The following SBF2 variants were observed in gnomAD, a reference collection of about 807,000 sequenced individuals.
SBF2 encodes myotubularin-related protein 13.
Under a neutral mutation model 225.2 loss-of-function variants are expected in SBF2, and 112 were observed. The observed-to-expected ratio is 0.50, with a 90% CI of 0.43 to 0.58. The LOEUF (loss-of-function observed/expected upper bound fraction) is 0.58, where lower values mean the gene tolerates loss of function less well. Among genes scored for constraint, SBF2 ranks in the 20% least tolerant of loss-of-function variants. The probability of loss-of-function intolerance (pLI) is 0.00; values close to 1 mark genes in which losing one functional copy is unlikely to be tolerated. For missense variants in SBF2, 1,996 were observed against 2,206.2 expected (o/e 0.90, Z 1.91); for synonymous variants, 763 against 773.3 (o/e 0.99, Z 0.22).
intron 1 of SBF2, among the ~76,000 whole-genome samples, chr11:10,219,213 C>T (rs1296974261): frequency 6.6e-6 from 1 of 152,206 alleles, no homozygotes; most frequent in Non-Finnish European, 1.5e-5. Context: ...GGTAGAGGTT[C>T]AACAAACCTC....
chr11:10,137,895 G>A (rs1174271358), intron 2 of SBF2, among the ~76,000 whole-genome samples: 1 of 152,028 alleles, frequency 6.6e-6, no homozygotes, highest in East Asian at 1.9e-4. Flanking sequence ...GTAATCTCGG[G>A]AGGCTGAGGC....
At chr11:10,082,619 A>T (rs1392585047) in intron 2 of SBF2, among the ~76,000 whole-genome samples, 1 of 152,218 alleles carries the variant, frequency 6.6e-6, no homozygotes, top group Non-Finnish European at 1.5e-5. Flanking sequence ...AGATAAACAC[A>T]ATTAAAAACA....
chr11:10,303,727 A>G lies in SBF2; in HGVS notation n.386+765T>C, dbSNP rs1964621336. Reference sequence around the variant, plus strand: ...CCTCTCCGTCGAGTCGCTGGGCTTCAGGACATTCGATTAGAGGAGTGGTTA... The same window carrying G: ...CCTCTCCGTCGAGTCGCTGGGCTTCGGGACATTCGATTAGAGGAGTGGTTA... On this transcript the variant is annotated intron_variant and non_coding_transcript_variant, in intron 1 of 5. Coordinates refer to the SBF2 transcript ENST00000685217. The surrounding 1 kb of genome is among the most constrained non-coding windows in gnomAD (Gnocchi z 5.2). 6.6e-6 allele frequency: 1 copy of G among 152,242 alleles called. No homozygotes were observed. Among genetic ancestry groups the G allele is most frequent in the Non-Finnish European group, 1.5e-5 (1 of 68,076 alleles). The allele number at this position is 152,242 out of a possible 1,614,324, so 9.4% of individuals were successfully genotyped here.
intron 15 of SBF2, among the ~76,000 whole-genome samples, chr11:9,963,218 A>C (rs1291562268): frequency 6.6e-6 from 1 of 152,220 alleles, no homozygotes; most frequent in African/African-American, 2.4e-5. Flanking sequence ...TAATCCCAGC[A>C]CTTTGGGAGG....
At chr11:10,265,187 C>T (rs1565416145) in intron 1 of SBF2, among the ~76,000 whole-genome samples, 2 of 152,164 alleles carry the variant, frequency 1.3e-5, no homozygotes, top group Non-Finnish European at 2.9e-5. Context: ...AACTAATTCA[C>T]CCTCCCACCA....
intron 2 of SBF2, among the ~76,000 whole-genome samples, chr11:10,120,440 C>A (rs1443982595): frequency 1.3e-5 from 2 of 151,986 alleles, no homozygotes; most frequent in Non-Finnish European, 2.9e-5. Flanking sequence ...GGAAGTACAC[C>A]CAAAAGTGGA....
At chr11:10,290,944 G>C (rs1166331547) in intron 1 of SBF2, among the ~76,000 whole-genome samples, 2 of 152,088 alleles carry the variant, frequency 1.3e-5, no homozygotes, top group Admixed American at 1.3e-4. Flanking sequence ...AAAGGAACCA[G>C]GGATCCCTAA....
chr11:9,912,860 T>C (rs1371194250), intron 16 of SBF2, among the ~76,000 whole-genome samples: 1 of 152,270 alleles, frequency 6.6e-6, no homozygotes, highest in Non-Finnish European at 1.5e-5. Flanking sequence ...AGTCACTGCA[T>C]ATTGCATACA....
At position 10,001,005 on chromosome 11, in the gene SBF2, A is replaced by G; in HGVS notation, c.770T>C (p.Ile257Thr). ...PLKYSYPYIP[I>T]LPAQLLEVLS... is the part of the protein sequence containing the mutation. ...AACTTCCAGTAGCTGAGCCGGGAGA[A>G]TAGGGATATAAGGATAACTGGAAAT... Residue 257 changes from isoleucine to threonine, a missense_variant, in exon 8 of 40, where the codon ATT becomes ACT. Transcript: ENST00000256190. The G allele has an allele frequency of 6.3e-7, 1 of 1,578,524 alleles. No individual in the cohort carries two copies. Among genetic ancestry groups the G allele is most frequent in the South Asian group, 1.1e-5 (1 of 90,316 alleles).
chr11:10,154,578 T>C (rs911236911), intron 2 of SBF2, among the ~76,000 whole-genome samples: 4 of 152,200 alleles, frequency 2.6e-5, no homozygotes, highest in East Asian at 1.9e-4. Flanking sequence ...CCATGTATGA[T>C]AGTCCCATTA....
At chr11:9,992,359 T>A (rs1351530036) in intron 12 of SBF2, 56 bp downstream of exon 12, 10 of 1,444,846 alleles carry the variant, frequency 6.9e-6, no homozygotes, top group Middle Eastern at 1.8e-4. Flanking sequence ...TTTTTACTTT[T>A]AACTACTAGT....
rs116884682 is a variant in SBF2 at position 9,869,571 on chromosome 11, T to A, written c.1930-11175A>T. Among the ~76,000 whole-genome samples, 33 of 152,244 alleles carry A rather than the reference T, an allele frequency of 2.2e-4. No individual in the cohort carries two copies. The East Asian group carries it at 6.2e-3, about 28-fold the overall frequency. ...CATATGCAGATCAATAAATGTGATA[T>A]ATCTCATAAACAGAACTAAAGAAAA... On this transcript the variant is annotated intron_variant, in intron 17 of 39. Coordinates refer to ENST00000256190, the MANE Select transcript of SBF2 (RefSeq NM_030962.4).
intron 13 of SBF2, among the ~76,000 whole-genome samples, chr11:9,976,758 T>A (rs553928174): frequency 1.3e-5 from 2 of 151,932 alleles, no homozygotes; most frequent in Non-Finnish European, 2.9e-5. Context: ...TTTCTTTTTT[T>A]TTGTTGTTGT....
chr11:10,292,696 A>C (rs1964241817), intron 1 of SBF2, among the ~76,000 whole-genome samples: 1 of 151,514 alleles, frequency 6.6e-6, no homozygotes, highest in Non-Finnish European at 1.5e-5. Context: ...AAAAAAAAAA[A>C]AATTGTTTAA....
chr11:9,875,506 C>T (rs1053235551), intron 17 of SBF2, among the ~76,000 whole-genome samples: 7 of 152,176 alleles, frequency 4.6e-5, no homozygotes, highest in Admixed American at 3.9e-4. Flanking sequence ...GATACCTTTA[C>T]CTAATTGTCC....
chr11:9,925,391 C>T (rs534463384), intron 16 of SBF2, among the ~76,000 whole-genome samples: 1 of 152,216 alleles, frequency 6.6e-6, no homozygotes, highest in Non-Finnish European at 1.5e-5. Flanking sequence ...GATTTTCCTG[C>T]CTCAGCCTCC....
rs759768880 is a variant in SBF2 at position 9,993,986 on chromosome 11, C to A, written c.988G>T (p.Asp330Tyr). ...QSALSLILHP[D>Y]LEVADHAFPP... is the part of the protein sequence containing the mutation. ...AAAGCATGATCTGCTACTTCCAAAT[C>A]TGGGTGTAAAATCTAAAGCAAAAAA... is the stretch of plus-strand genomic sequence containing the variant. Residue 330 changes from aspartate to tyrosine, a missense_variant, in exon 10 of 40, where the codon GAT becomes TAT. Transcript: ENST00000256190. 1.6e-6 allele frequency: 2 copies of A among 1,213,252 alleles called. No homozygotes were observed. Among genetic ancestry groups the A allele is most frequent in the Non-Finnish European group, 2.5e-6 (2 of 813,928 alleles). The allele number at this position is 1,213,252 out of a possible 1,614,324, so 75.2% of individuals were successfully genotyped here. A position where few individuals can be genotyped will look rare whatever the true frequency, so the allele number is the denominator to read the frequency against.
At chr11:10,009,632 GC>G (rs1948356269) in intron 6 of SBF2, among the ~76,000 whole-genome samples, 1 of 152,144 alleles carries the variant, frequency 6.6e-6, no homozygotes, top group African/African-American at 2.4e-5. Flanking sequence ...GTGTATATGT[GC>G]CACATTTTCT....
chr11:10,047,968 TC>T (rs1949928724), intron 2 of SBF2, among the ~76,000 whole-genome samples: 1 of 152,160 alleles, frequency 6.6e-6, no homozygotes. Flanking sequence ...TCCAAAACCA[TC>T]TTTATTATGA....
Sources: gnomAD v4.1 joint callset for allele counts (sites outside exome capture counted in the v4.1 genomes callset) on GRCh38, gnomAD v4.1.1 for gene constraint, Gnocchi (gnomAD v3.1) non-coding constraint, MANE v1.5 for transcripts, NCBI Gene and HGNC (gene_info 2026-07-23, HGNC 2026-07-21) for gene names.